PDE1C: variants seen among roughly 807,000 people sequenced by gnomAD.
PDE1C encodes phosphodiesterase 1C, also known as dual specificity calcium/calmodulin-dependent 3',5'-cyclic nucleotide phosphodiesterase 1C.
In PDE1C, 62 loss-of-function variants were observed where a neutral mutation model predicts 93.1. The observed-to-expected ratio is 0.67, with a 90% CI of 0.54 to 0.82. The LOEUF (loss-of-function observed/expected upper bound fraction) is 0.82, where lower values mean the gene tolerates loss of function less well. Ranked by LOEUF, PDE1C falls within the 40% of genes least tolerant of loss-of-function variation. The pLI is 0.00. For synonymous variants in PDE1C, 325 were observed against 310.1 expected (o/e 1.05, Z -0.50); for missense variants, 742 against 884.6 (o/e 0.84, Z 2.04).
chr7:31,692,234 T>A, the PDE1C span, among the ~76,000 whole-genome samples: 2 of 152,182 alleles, frequency 1.3e-5, no homozygotes, highest in African/African-American at 4.8e-5. Context: ...TATTTTGGCT[T>A]AAATCTCAAG....
intron 3 of PDE1C, among the ~76,000 whole-genome samples, chr7:32,134,741 C>T (rs924650363): frequency 1.3e-5 from 2 of 152,046 alleles, no homozygotes; most frequent in African/African-American, 4.8e-5. Flanking sequence ...GGGAACATCA[C>T]ACACCAGAGC....
chr7:32,203,019 C>A lies in PDE1C; in HGVS notation c.136+6470G>T, dbSNP rs111257557. Among the ~76,000 whole-genome samples the A allele has an allele frequency of 2.2e-3, 328 of 152,214 alleles. 3 individuals are homozygous for A. The highest frequency in any genetic ancestry group is 7.2e-3 in the African/African-American group (300 of 41,524). ...GCTCCTCCCCACACCCAGCTCCTAG[C>A]AAACACCATCCAATTCTGCATTTCT... On this transcript the variant is annotated intron_variant, in intron 2 of 18. Coordinates refer to the PDE1C transcript ENST00000396193.
In PDE1C at chr7:31,958,105, T is replaced by C. The variant is rs796713759; in HGVS notation, c.129-77245A>G. 5.5e-4 allele frequency among the ~76,000 whole-genome samples: 83 copies of C among 152,270 alleles called. 1 individual carries two copies. Among genetic ancestry groups the C allele is most frequent in the African/African-American group, 1.9e-3 (77 of 41,556 alleles). ...TACAGCTAACATTACATAAAAAATG[T>C]TTTTTCATCCAAACATCTGCAGAGT... On this transcript the variant is annotated intron_variant, in intron 2 of 17. Transcript: ENST00000396191.
At chr7:31,989,746 C>G in intron 2 of PDE1C, among the ~76,000 whole-genome samples, 1 of 152,312 alleles carries the variant, frequency 6.6e-6, no homozygotes. Context: ...ACGATAACTG[C>G]GGTGACTAGC....
chr7:31,930,641 C>T (rs1158707618), intron 2 of PDE1C, among the ~76,000 whole-genome samples: 1 of 151,798 alleles, frequency 6.6e-6, no homozygotes, highest in Non-Finnish European at 1.5e-5. Flanking sequence ...GAGATCGAGA[C>T]CATCCTGGCT....
At chr7:31,992,345 G>A (rs570448035) in intron 2 of PDE1C, among the ~76,000 whole-genome samples, 1 of 152,374 alleles carries the variant, frequency 6.6e-6, no homozygotes, top group East Asian at 1.9e-4. Flanking sequence ...AACAATGAAG[G>A]AGGCACCAGT....
rs926159854 is a variant in PDE1C, at chr7:31,949,999, G to A, written c.129-69139C>T. ...GTTTAGAGACTTTAGATACTTGCAA[G>A]TATAATTTTTCAGCTTTCACAGAAG... On this transcript the variant is annotated intron_variant, in intron 2 of 17. Transcript: ENST00000396191. Among the ~76,000 whole-genome samples the A allele has an allele frequency of 5.9e-5, 9 of 152,154 alleles. No homozygotes were observed. In the East Asian group the frequency reaches 1.7e-3, roughly 29 times the overall value.
At chr7:32,332,508 A>G (rs1783536666) in intron 1 of PDE1C, among the ~76,000 whole-genome samples, 1 of 152,090 alleles carries the variant, frequency 6.6e-6, no homozygotes. Flanking sequence ...TACACACACC[A>G]TATGACCCAG....
At chr7:31,848,557 T>C (rs1792917443) in intron 8 of PDE1C, among the ~76,000 whole-genome samples, 1 of 152,176 alleles carries the variant, frequency 6.6e-6, no homozygotes, top group Non-Finnish European at 1.5e-5. Flanking sequence ...TGATAGTGGC[T>C]TGATCTCAAC....
chr7:32,227,828 A>G (rs1458633797), intron 1 of PDE1C, among the ~76,000 whole-genome samples: 1 of 152,226 alleles, frequency 6.6e-6, no homozygotes, highest in African/African-American at 2.4e-5. Flanking sequence ...TGGGGAGACC[A>G]GGCAGCCATG....
chr7:32,389,846 A>G (rs918512116), intron 1 of PDE1C, among the ~76,000 whole-genome samples: 2 of 152,216 alleles, frequency 1.3e-5, no homozygotes, highest in Admixed American at 1.3e-4. Flanking sequence ...AAGCCTCAAA[A>G]TTTTTGAAAA....
intron 1 of PDE1C, among the ~76,000 whole-genome samples, chr7:32,229,551 C>G (rs1168365475): frequency 6.6e-6 from 1 of 152,146 alleles, no homozygotes; most frequent in Non-Finnish European, 1.5e-5. Flanking sequence ...CTTTATACGT[C>G]TCTTGGGATA....
chr7:31,642,238 C>T, the PDE1C span: 8 of 1,554,320 alleles, frequency 5.1e-6, no homozygotes, highest in African/African-American at 1.1e-4. Context: ...GGAGGAGCCG[C>T]TGGAACCGCT....
chr7:31,651,945 G>T, the PDE1C span: 1 of 1,592,356 alleles, frequency 6.3e-7, no homozygotes, highest in Non-Finnish European at 8.6e-7. Context: ...GCAGGGAGGA[G>T]GCCGAGCAAC....
intron 1 of PDE1C, among the ~76,000 whole-genome samples, chr7:32,332,680 C>T (rs35947792): frequency 6.6e-6 from 1 of 152,002 alleles, no homozygotes; most frequent in Non-Finnish European, 1.5e-5. Flanking sequence ...TGACATATTC[C>T]TACAAAGGAA....
Position 31,865,035 on chromosome 7 carries a change from T to TCCCAC in PDE1C, c.652_656dup (p.Tyr220TrpfsTer13). On this transcript the variant is annotated frameshift_variant, in exon 7 of 18. Coordinates refer to ENST00000396191, the MANE Select transcript of PDE1C (RefSeq NM_001191057.4). LOFTEE classifies it high-confidence loss of function. Reference sequence around the variant, plus strand: ...GGTAAGGATTTTTGTGCTTGCTGTATCCCACTTCCAGGGCCTCCACAAATG... The same window carrying TCCCAC: ...GGTAAGGATTTTTGTGCTTGCTGTATCCCACCCCACTTCCAGGGCCTCCACAAATG... 1 of 1,614,078 alleles carries TCCCAC rather than the reference T, an allele frequency of 6.2e-7. No homozygotes were observed. The highest frequency in any genetic ancestry group is 1.1e-5 in the South Asian group (1 of 91,084).
intron 2 of PDE1C, among the ~76,000 whole-genome samples, chr7:31,922,570 A>G (rs534383532): frequency 4.6e-5 from 7 of 152,326 alleles, no homozygotes; most frequent in Non-Finnish European, 1.0e-4. Flanking sequence ...ACAAGCCATC[A>G]TTAAACTTCC....
intron 2 of PDE1C, among the ~76,000 whole-genome samples, chr7:32,022,745 A>G (rs962719698): frequency 3.3e-5 from 5 of 151,966 alleles, no homozygotes; most frequent in Non-Finnish European, 7.4e-5. Context: ...TTACACCTCT[A>G]TCTCTGAAAA....
chr7:31,877,658 A>G (rs995292822), intron 5 of PDE1C, among the ~76,000 whole-genome samples: 6 of 149,914 alleles, frequency 4.0e-5, no homozygotes, highest in Non-Finnish European at 5.9e-5. Context: ...ACTTACAGCC[A>G]TAACATATTT....
Sources: gnomAD v4.1 joint callset for allele counts (sites outside exome capture counted in the v4.1 genomes callset) on GRCh38, gnomAD v4.1.1 for gene constraint, MANE v1.5 for transcripts, NCBI Gene and HGNC (gene_info 2026-07-23, HGNC 2026-07-21) for gene names.